Variants in ENTREP2 observed in about 807,000 individuals in gnomAD.
ENTREP2 encodes protein ENTREP2.
chr15:29,482,409 T>C, the ENTREP2 span, among the ~76,000 whole-genome samples: 4 of 152,182 alleles, frequency 2.6e-5, no homozygotes, highest in African/African-American at 9.7e-5. Context: ...GTACATTCTG[T>C]GGGTTTGGAC....
chr15:29,437,756 A>G, the ENTREP2 span, among the ~76,000 whole-genome samples: 148 of 152,310 alleles, frequency 9.7e-4, no homozygotes, highest in Middle Eastern at 3.4e-3. Context: ...TTCCCAGAAC[A>G]TTTTCAAGTA....
chr15:29,471,006 G>A, the ENTREP2 span, among the ~76,000 whole-genome samples: 2 of 152,174 alleles, frequency 1.3e-5, no homozygotes, highest in Non-Finnish European at 2.9e-5. Flanking sequence ...GTAAACAGAG[G>A]TGGGGCATTG....
At chr15:29,618,314 T>C in the ENTREP2 span, among the ~76,000 whole-genome samples, 1 of 151,668 alleles carries the variant, frequency 6.6e-6, no homozygotes, top group Admixed American at 6.6e-5. Flanking sequence ...TCCCAGCTAT[T>C]TGGGAGGCTA....
the ENTREP2 span, among the ~76,000 whole-genome samples, chr15:29,481,574 T>C: frequency 6.6e-6 from 1 of 152,234 alleles, no homozygotes; most frequent in African/African-American, 2.4e-5. Context: ...CACCTACTTA[T>C]AATCTAATAA....
chr15:29,358,629 A>G, the ENTREP2 span, among the ~76,000 whole-genome samples: 3 of 152,174 alleles, frequency 2.0e-5, no homozygotes, highest in Non-Finnish European at 4.4e-5. Flanking sequence ...TTCCTAATTT[A>G]AAACAGAAAA....
At chr15:29,368,968 T>A in the ENTREP2 span, among the ~76,000 whole-genome samples, 1 of 152,134 alleles carries the variant, frequency 6.6e-6, no homozygotes, top group Non-Finnish European at 1.5e-5. Context: ...AGAGCAGATT[T>A]GAGTAGACCA....
At chr15:29,400,009 C>T in the ENTREP2 span, among the ~76,000 whole-genome samples, 1 of 152,102 alleles carries the variant, frequency 6.6e-6, no homozygotes, top group East Asian at 1.9e-4. Flanking sequence ...TGTTTAAACG[C>T]ATGTTGTTCA....
chr15:29,142,783 C>G, the ENTREP2 span, among the ~76,000 whole-genome samples: 1 of 152,066 alleles, frequency 6.6e-6, no homozygotes, highest in Non-Finnish European at 1.5e-5. Flanking sequence ...AGATGATATT[C>G]CTGAGGCTGC....
the ENTREP2 span, among the ~76,000 whole-genome samples, chr15:29,137,616 C>A: frequency 6.6e-6 from 1 of 152,218 alleles, no homozygotes; most frequent in African/African-American, 2.4e-5. Flanking sequence ...GGGTGGATCA[C>A]CTGTGATCAG....
the ENTREP2 span, among the ~76,000 whole-genome samples, chr15:29,478,037 T>C: frequency 7.4e-6 from 1 of 134,580 alleles, no homozygotes; most frequent in Non-Finnish European, 1.6e-5. Flanking sequence ...TTTTTTTTTT[T>C]TTTCTGAGAC....
At chr15:29,516,007 G>A in the ENTREP2 span, among the ~76,000 whole-genome samples, 1 of 152,076 alleles carries the variant, frequency 6.6e-6, no homozygotes, top group African/African-American at 2.4e-5. Context: ...GAATAGCCAT[G>A]GGTGATCAGT....
At chr15:29,649,727 C>CAAAAAAAAA in the ENTREP2 span, among the ~76,000 whole-genome samples, 109 of 66,548 alleles carry the variant, frequency 1.6e-3, no homozygotes, top group African/African-American at 2.3e-3. Flanking sequence ...TCAACAACAA[C>CAAAAAAAAA]AAAAAAAAAA....
the ENTREP2 span, among the ~76,000 whole-genome samples, chr15:29,671,108 A>C: frequency 6.6e-6 from 1 of 152,018 alleles, no homozygotes; most frequent in Non-Finnish European, 1.5e-5. Flanking sequence ...ATGTCATGAA[A>C]ACTCCCTAAA....
chr15:29,311,363 T>A, the ENTREP2 span, among the ~76,000 whole-genome samples: 1 of 152,186 alleles, frequency 6.6e-6, no homozygotes, highest in Non-Finnish European at 1.5e-5. Context: ...CTTAAATAAT[T>A]TATGAGAGAC....
chr15:29,234,395 T>C, the ENTREP2 span: 3 of 1,551,826 alleles, frequency 1.9e-6, no homozygotes, highest in African/African-American at 4.1e-5. Flanking sequence ...ATTATTAAGA[T>C]GGGAAGCAAT....
At chr15:29,427,659 C>A in the ENTREP2 span, among the ~76,000 whole-genome samples, 1 of 152,192 alleles carries the variant, frequency 6.6e-6, no homozygotes, top group South Asian at 2.1e-4. Flanking sequence ...TTATGAGGGC[C>A]CTTGTGACTA....
chr15:29,585,100 C>T, the ENTREP2 span, among the ~76,000 whole-genome samples: 4 of 152,122 alleles, frequency 2.6e-5, no homozygotes, highest in Non-Finnish European at 5.9e-5. Flanking sequence ...AATTATGTTG[C>T]ATTCCTCTTA....
the ENTREP2 span, among the ~76,000 whole-genome samples, chr15:29,552,882 A>G: frequency 6.6e-6 from 1 of 152,210 alleles, no homozygotes; most frequent in Admixed American, 6.5e-5. Context: ...ACTCCTGAAA[A>G]GAACGGCACA....
the ENTREP2 span, among the ~76,000 whole-genome samples, chr15:29,575,477 C>T: frequency 6.6e-6 from 1 of 152,056 alleles, no homozygotes; most frequent in African/African-American, 2.4e-5. Context: ...CATTCACCAC[C>T]ACTGTTCAAT....
Sources: gnomAD v4.1 joint callset for allele counts (sites outside exome capture counted in the v4.1 genomes callset) on GRCh38, gnomAD v4.1.1 for gene constraint, MANE v1.5 for transcripts, NCBI Gene and HGNC (gene_info 2026-07-23, HGNC 2026-07-21) for gene names.